The following NXF3 variants were observed in gnomAD, a reference collection of about 807,000 sequenced individuals.
The protein encoded by NXF3 is nuclear RNA export factor 3.
Under a neutral mutation model 48.4 loss-of-function variants are expected in NXF3, and 34 were observed. The observed-to-expected ratio is 0.70, with a 90% CI of 0.53 to 0.93. The LOEUF (loss-of-function observed/expected upper bound fraction) is 0.93, where lower values mean the gene tolerates loss of function less well. Among genes scored for constraint, NXF3 ranks in the 40% least tolerant of loss-of-function variants. The probability of loss-of-function intolerance (pLI) is 0.00; values close to 1 mark genes in which losing one functional copy is unlikely to be tolerated. For missense variants in NXF3, 359 were observed against 406.1 expected (o/e 0.88, Z 1.00); for synonymous variants, 132 against 145.7 (o/e 0.91, Z 0.68).
intron 9 of NXF3, chrX:103,081,951 C>T (rs1230667367): frequency 2.3e-5 from 7 of 298,977 alleles, no homozygotes; most frequent in East Asian, 2.3e-4. Context: ...CACCTGAATA[C>T]TGCTGGTCCT....
At position 103,093,044 on chromosome X, in the gene NXF3, G is replaced by T; in HGVS notation, c.-21C>A. ...GACATTTTACCAATGTCCTTATAGG[G>T]CTCTCTTGAGGAGAATCTGTGTGGC... On this transcript the variant is annotated 5_prime_UTR_variant, in exon 1 of 20. Coordinates refer to ENST00000395065, the MANE Select transcript of NXF3 (RefSeq NM_022052.2). The T allele has an allele frequency of 8.4e-7, 1 of 1,197,376 alleles. No homozygotes were observed. Among genetic ancestry groups the T allele is most frequent in the South Asian group, 1.8e-5 (1 of 56,270 alleles).
chrX:103,082,781 G>C lies in NXF3; in HGVS notation c.759C>G (p.Val253=). Residue 253 remains valine (V), a synonymous_variant, in exon 8 of 20, where the codon GTC becomes GTG. Transcript: ENST00000395065. ...PRKCMAASLD[V]HEENIPTVMS... ...TCACTGTAGGTATGTTCTCTTCATG[G>C]ACGTCCAGGGAGGCAGCCATGCACT... The C allele has an allele frequency of 8.3e-7, 1 of 1,207,503 alleles. No homozygotes were observed. Among genetic ancestry groups the C allele is most frequent in the South Asian group, 1.8e-5 (1 of 56,843 alleles).
chrX:103,078,061 G>A (rs975169943), intron 17 of NXF3, among the ~76,000 whole-genome samples: 7 of 112,059 alleles, frequency 6.2e-5, no homozygotes, highest in African/African-American at 2.3e-4. Context: ...ATTACAAAGA[G>A]GTCACATGCC....
In NXF3 at chrX:103,075,940, A is replaced by G. The variant is rs973736778; in HGVS notation, c.*110T>C. ...TGGAAGGATGAGAGTCAGCCCTGTG[A>G]GTTGGGCTTCGGCTTCTTAGCCCCA... is the stretch of plus-strand genomic sequence containing the variant. On this transcript the variant is annotated 3_prime_UTR_variant, in exon 20 of 20. Transcript: ENST00000395065. 3.8e-6 allele frequency: 1 copy of G among 262,091 alleles called. No homozygotes were observed. Among genetic ancestry groups the G allele is most frequent in the Non-Finnish European group, 6.8e-6 (1 of 146,438 alleles). The allele number at this position is 262,091 out of a possible 1,213,427, so 21.6% of individuals were successfully genotyped here.
intron 17 of NXF3, among the ~76,000 whole-genome samples, chrX:103,078,325 T>G (rs1921920991): frequency 1.8e-5 from 2 of 111,955 alleles, no homozygotes; most frequent in Non-Finnish European, 3.8e-5. Flanking sequence ...AGGGTCTCAC[T>G]GTGTTGCCTA....
intron 1 of NXF3, chrX:103,088,883 A>G: frequency 3.4e-6 from 4 of 1,190,796 alleles, no homozygotes; most frequent in Non-Finnish European, 4.5e-6. Context: ...ATTCCCAACA[A>G]TGTCAGGCTC....
chrX:103,087,435 T>C, intron 1 of NXF3: 1 of 1,123,368 alleles, frequency 8.9e-7, no homozygotes, highest in African/African-American at 1.8e-5. Context: ...ATAATCTGCC[T>C]TTTAAATGTA....
chrX:103,086,756 G>A lies in NXF3; in HGVS notation c.29-1873C>T, dbSNP rs1272840915. On this transcript the variant is annotated intron_variant, in intron 1 of 19. Coordinates refer to ENST00000395065, the MANE Select transcript of NXF3 (RefSeq NM_022052.2). ...TATTTGAAAATAAGAAAAATGGCAC[G>A]ATTCATACCATTTACACACTGACTG... Among the ~76,000 whole-genome samples the A allele has an allele frequency of 7.3e-5, 8 of 109,180 alleles. No homozygotes were observed. In the South Asian group the frequency reaches 2.8e-3, roughly 38 times the overall value. 94.8% of individuals were successfully genotyped at this position (109,180 alleles called of 115,157 possible).
intron 1 of NXF3, among the ~76,000 whole-genome samples, chrX:103,091,612 C>T (rs1357661735): frequency 9.1e-6 from 1 of 109,867 alleles, no homozygotes; most frequent in Non-Finnish European, 1.9e-5. Context: ...CCATGGATAC[C>T]AAGGGACAAC....
rs1366055440 is a variant in NXF3, at chrX:103,083,600, C to T, written c.435+9G>A. The T allele has an allele frequency of 4.2e-5, 51 of 1,200,690 alleles. No homozygotes were observed. Among genetic ancestry groups the T allele is most frequent in the Non-Finnish European group, 5.6e-5 (50 of 886,793 alleles). On this transcript the variant is annotated intron_variant, in intron 4 of 19. Coordinates refer to ENST00000395065, the MANE Select transcript of NXF3 (RefSeq NM_022052.2). Reference sequence around the variant, plus strand: ...GTTTTCTCTCGTCTGCCTCACGGTCCTTTCTTACCTCAACTGGGACGAAGG... The same window carrying T: ...GTTTTCTCTCGTCTGCCTCACGGTCTTTTCTTACCTCAACTGGGACGAAGG...
chrX:103,082,155 G>A (rs1222998784), intron 9 of NXF3, 100 bp downstream of exon 9: 6 of 571,004 alleles, frequency 1.1e-5, no homozygotes, highest in Non-Finnish European at 1.6e-5. Flanking sequence ...GAAGGAGAGG[G>A]TCTGTGGTCC....
intron 9 of NXF3, chrX:103,080,864 GC>G (rs1921991207): frequency 5.0e-6 from 2 of 397,748 alleles, no homozygotes; most frequent in Non-Finnish European, 8.9e-6. Flanking sequence ...TGGGGTGGGA[GC>G]CCAGGGCTCT....
intron 18 of NXF3, among the ~76,000 whole-genome samples, chrX:103,077,090 G>A (rs1921887873): frequency 9.0e-6 from 1 of 110,720 alleles, no homozygotes; most frequent in Admixed American, 9.7e-5. Context: ...AAATAACTAG[G>A]TAGCTGAATA....
At chrX:103,076,336 G>A (rs757604709) in intron 18 of NXF3, 35 bp from the exon 19 acceptor site, 8 of 1,195,577 alleles carry the variant, frequency 6.7e-6, no homozygotes, top group Non-Finnish European at 7.9e-6. Context: ...CATCCATTAG[G>A]ACCCAAGTGC....
rs1922053641 is a variant in NXF3 at position 103,082,987 on chromosome X, T to G, written c.691+17A>C. On this transcript the variant is annotated intron_variant, in intron 7 of 19. Coordinates refer to ENST00000395065, the MANE Select transcript of NXF3 (RefSeq NM_022052.2). ...CCTCTGCCCTCATCTACCATAGAAT[T>G]ACTTTCTCAGCCATACCTGGGTAAA... 1.7e-6 allele frequency: 2 copies of G among 1,196,324 alleles called. No homozygotes were observed. Among genetic ancestry groups the G allele is most frequent in the Non-Finnish European group, 2.3e-6 (2 of 883,299 alleles).
intron 6 of NXF3, 54 bp from the exon 7 acceptor site, chrX:103,083,127 G>A (rs1003414242): frequency 5.9e-6 from 7 of 1,185,504 alleles, no homozygotes; most frequent in East Asian, 5.9e-5. Context: ...GGTGAAGGGG[G>A]CAATAGGTGG....
intron 1 of NXF3, among the ~76,000 whole-genome samples, chrX:103,090,393 G>A (rs1027451284): frequency 1.8e-5 from 2 of 111,759 alleles, no homozygotes; most frequent in Non-Finnish European, 3.8e-5. Context: ...AGAGTTGTGG[G>A]TATCATTCCA....
At position 103,083,573 on chromosome X, in the gene NXF3, C is replaced by T. The variant is rs767732068; in HGVS notation, c.435+36G>A. Reference sequence around the variant, plus strand: ...CTGCTCATCCAGCCCCCAACCTGTCCTGTTTTCTCTCGTCTGCCTCACGGT... The same window carrying T: ...CTGCTCATCCAGCCCCCAACCTGTCTTGTTTTCTCTCGTCTGCCTCACGGT... On this transcript the variant is annotated intron_variant, in intron 4 of 19. Transcript: ENST00000395065. The T allele has an allele frequency of 1.9e-5, 22 of 1,175,332 alleles. No individual in the cohort carries two copies. In the South Asian group the frequency reaches 3.9e-4, roughly 21 times the overall value.
intron 1 of NXF3, among the ~76,000 whole-genome samples, chrX:103,091,984 C>CAAAAAAAAAAAAAAAAA (rs59377364): frequency 2.1e-5 from 1 of 47,811 alleles, no homozygotes; most frequent in Non-Finnish European, 3.7e-5. Context: ...GACTCCATCA[C>CAAAAAAAAAAAAAAAAA]AAAAAAAAAA....
Sources: gnomAD v4.1 joint callset for allele counts (sites outside exome capture counted in the v4.1 genomes callset) on GRCh38, gnomAD v4.1.1 for gene constraint, MANE v1.5 for transcripts, NCBI Gene and HGNC (gene_info 2026-07-23, HGNC 2026-07-21) for gene names.